The following CHRNA7 variants were observed in gnomAD, a reference collection of about 807,000 sequenced individuals.
The protein encoded by CHRNA7 is cholinergic receptor nicotinic alpha 7 subunit, also known as neuronal acetylcholine receptor subunit alpha-7.
In CHRNA7, 17 loss-of-function variants were observed where a neutral mutation model predicts 48.0. That is an observed-to-expected ratio of 0.35 (90% CI 0.24 to 0.53). CHRNA7 has a LOEUF of 0.53. CHRNA7 is among the 20% of genes least tolerant of loss of function. The pLI is 0.92. For synonymous variants in CHRNA7, 75 were observed against 242.3 expected, an observed-to-expected ratio of 0.31 and a Z score of 6.41; for missense variants, 155 against 577.7, an observed-to-expected ratio of 0.27 and a Z score of 7.50.
At chr15:32,034,247 A>G (rs1901979449) in intron 2 of CHRNA7, among the ~76,000 whole-genome samples, 1 of 152,194 alleles carries the variant, frequency 6.6e-6, no homozygotes, top group Non-Finnish European at 1.5e-5. Context: ...AGGTTGAGGA[A>G]AGACTGAAAG....
At chr15:32,038,285 T>C (rs945125351) in intron 2 of CHRNA7, among the ~76,000 whole-genome samples, 12 of 151,308 alleles carry the variant, frequency 7.9e-5, no homozygotes, top group Non-Finnish European at 1.6e-4. Context: ...CTTAATGATA[T>C]ATATATTTAT....
intron 2 of CHRNA7, among the ~76,000 whole-genome samples, chr15:32,032,148 C>T (rs556625357): frequency 1.7e-4 from 26 of 152,318 alleles, no homozygotes; most frequent in Non-Finnish European, 2.8e-4. Context: ...TCCTTTCCAA[C>T]GCTACACTCG....
intron 2 of CHRNA7, among the ~76,000 whole-genome samples, chr15:32,094,827 A>AT (rs1367476358): frequency 1.3e-5 from 2 of 151,930 alleles, no homozygotes; most frequent in African/African-American, 4.8e-5. Context: ...CGCCTGGCTA[A>AT]TTTTTTGTAT....
chr15:32,035,275 T>A (rs1420015040), intron 2 of CHRNA7, among the ~76,000 whole-genome samples: 1 of 152,206 alleles, frequency 6.6e-6, no homozygotes, highest in Non-Finnish European at 1.5e-5. Context: ...TTATTTGTGC[T>A]GTTTAGTCAG....
chr15:32,074,509 T>G (rs1386557840), intron 2 of CHRNA7, among the ~76,000 whole-genome samples: 3 of 151,332 alleles, frequency 2.0e-5, no homozygotes, highest in African/African-American at 7.3e-5. Flanking sequence ...TATAACTGTT[T>G]TGTAAATGCT....
intron 4 of CHRNA7, chr15:32,112,465 G>C (rs2050778967): frequency 4.9e-6 from 2 of 406,932 alleles, no homozygotes; most frequent in Admixed American, 5.1e-5. Context: ...GGAAATAAGG[G>C]ACACGTCGGT....
At position 32,057,994 on chromosome 15, in the gene CHRNA7, C is replaced by T. The variant is rs558528191; in HGVS notation, c.195+26957C>T. On this transcript the variant is annotated intron_variant, in intron 2 of 9. Transcript: ENST00000306901. ...GAGGCTTCCCTGTTCTTTATATTAC[C>T]GGTCTTGCATTTTACAACTTCAGAC... Among the ~76,000 whole-genome samples, 9 of 152,260 alleles carry T rather than the reference C, an allele frequency of 5.9e-5. No homozygotes were observed. In the East Asian group the frequency reaches 1.2e-3, roughly 20 times the overall value.
At position 32,109,886 on chromosome 15, in the gene CHRNA7, G is replaced by A. The variant is rs191045157; in HGVS notation, c.241-1904G>A. Reference sequence around the variant, plus strand: ...GGTGTGCGGGGTGTGGGGAGGCAGCGTACAGCTCTGGCTGTGCCTTGGACG... The same window carrying A: ...GGTGTGCGGGGTGTGGGGAGGCAGCATACAGCTCTGGCTGTGCCTTGGACG... On this transcript the variant is annotated intron_variant, in intron 3 of 9. Transcript: ENST00000306901. 7.1e-4 allele frequency among the ~76,000 whole-genome samples: 108 copies of A among 152,300 alleles called. 1 individual carries two copies. The East Asian group carries it at 0.015, about 21-fold the overall frequency.
chr15:32,073,855 T>G (rs539213766), intron 2 of CHRNA7, among the ~76,000 whole-genome samples: 1 of 152,292 alleles, frequency 6.6e-6, no homozygotes, highest in South Asian at 2.1e-4. Flanking sequence ...GCACCATGCT[T>G]CTTGGGCAAC....
intron 4 of CHRNA7, among the ~76,000 whole-genome samples, chr15:32,140,412 T>C (rs913666350): frequency 1.3e-5 from 2 of 152,250 alleles, no homozygotes; most frequent in African/African-American, 4.8e-5. Context: ...AGTAGCATGA[T>C]GTATAATCCT....
intron 2 of CHRNA7, among the ~76,000 whole-genome samples, chr15:32,035,394 A>G (rs1364130379): frequency 1.3e-5 from 2 of 152,358 alleles, no homozygotes; most frequent in African/African-American, 4.8e-5. Flanking sequence ...ATATGAACCA[A>G]CATGTAATTA....
intron 2 of CHRNA7, among the ~76,000 whole-genome samples, chr15:32,032,212 G>C (rs1349267402): frequency 6.6e-6 from 1 of 152,184 alleles, no homozygotes; most frequent in Non-Finnish European, 1.5e-5. Flanking sequence ...AATATTGAAT[G>C]TATATGTGAT....
intron 4 of CHRNA7, among the ~76,000 whole-genome samples, chr15:32,146,643 G>C (rs771464939): frequency 2.0e-5 from 3 of 152,150 alleles, no homozygotes; most frequent in Non-Finnish European, 4.4e-5. Flanking sequence ...AATATCTGCA[G>C]GTGTTGAGTA....
intron 2 of CHRNA7, among the ~76,000 whole-genome samples, chr15:32,053,151 A>G (rs1036935267): frequency 5.9e-5 from 9 of 152,210 alleles, no homozygotes; most frequent in African/African-American, 2.2e-4. Context: ...AAATTCTTTT[A>G]ATCTGTATAG....
chr15:32,100,833 G>A (rs1487653746), intron 2 of CHRNA7: 2 of 166,204 alleles, frequency 1.2e-5, no homozygotes, highest in South Asian at 1.8e-4. Context: ...ACAGGGTGCA[G>A]CAGCTCCACA....
intron 2 of CHRNA7, among the ~76,000 whole-genome samples, chr15:32,094,010 C>T (rs66507256): frequency 0.16 from 24,438 of 152,132 alleles, 2,451 homozygotes; most frequent in Middle Eastern, 0.24. Context: ...TTTGGAGCAA[C>T]ATCTCCAATC....
chr15:32,096,694 A>G (rs1350777271), intron 2 of CHRNA7, among the ~76,000 whole-genome samples: 9 of 152,112 alleles, frequency 5.9e-5, no homozygotes, highest in Admixed American at 5.9e-4. Context: ...GAATGATGTT[A>G]CCCAGTAATT....
At chr15:32,093,626 A>G (rs2050418522) in intron 2 of CHRNA7, among the ~76,000 whole-genome samples, 1 of 152,186 alleles carries the variant, frequency 6.6e-6, no homozygotes, top group Non-Finnish European at 1.5e-5. Context: ...GCCCGGATCC[A>G]GGTCCTAAGC....
chr15:32,058,503 C>T (rs932572354), intron 2 of CHRNA7, among the ~76,000 whole-genome samples: 6 of 152,286 alleles, frequency 3.9e-5, no homozygotes, highest in East Asian at 1.9e-4. Context: ...CCACTGGCTT[C>T]CTGGATTTTT....
Sources: gnomAD v4.1 joint callset for allele counts (sites outside exome capture counted in the v4.1 genomes callset) on GRCh38, gnomAD v4.1.1 for gene constraint, MANE v1.5 for transcripts, NCBI Gene and HGNC (gene_info 2026-07-23, HGNC 2026-07-21) for gene names.